The following ATXN1 variants were observed in gnomAD, a reference collection of about 807,000 sequenced individuals.
ATXN1 encodes ataxin-1.
Under a neutral mutation model 56.4 loss-of-function variants are expected in ATXN1, and 8 were observed. That is an observed-to-expected ratio of 0.14 (90% CI 0.08 to 0.26). The LOEUF is 0.26. ATXN1 is among the 10% of genes least tolerant of loss of function. The pLI, the probability that ATXN1 is intolerant of heterozygous loss-of-function variation, is 1.00. For synonymous variants in ATXN1, 514 were observed against 494.6 expected (o/e 1.04, Z -0.52); for missense variants, 987 against 1,106.5 (o/e 0.89, Z 1.53).
chr6:16,539,166 T>C (rs1351346822), intron 4 of ATXN1, among the ~76,000 whole-genome samples: 1 of 152,230 alleles, frequency 6.6e-6, no homozygotes, highest in African/African-American at 2.4e-5. Flanking sequence ...AGGGCTAATG[T>C]GTTGATCCAG....
chr6:16,345,261 T>G (rs1402909533), intron 6 of ATXN1, among the ~76,000 whole-genome samples: 7 of 152,232 alleles, frequency 4.6e-5, no homozygotes, highest in African/African-American at 1.2e-4. Context: ...CTCCTGTTAC[T>G]TCTCGGGTCA....
chr6:16,456,068 T>C lies in ATXN1; in HGVS notation c.-161+29904A>G, dbSNP rs1235111672. On this transcript the variant is annotated intron_variant, in intron 6 of 7. Transcript: ENST00000436367. The stretch of plus-strand genomic sequence containing the variant: ...ACCCCAGCCAGCAGTGGCAACCCAT[T>C]TGGGTCCCCTTCCACGCTGGGGAAG... 5.9e-5 allele frequency among the ~76,000 whole-genome samples: 9 copies of C among 152,124 alleles called. No individual in the cohort carries two copies. In the East Asian group the frequency reaches 7.7e-4, roughly 13 times the overall value.
At chr6:16,598,727 A>G (rs921903620) in intron 3 of ATXN1, among the ~76,000 whole-genome samples, 1 of 152,172 alleles carries the variant, frequency 6.6e-6, no homozygotes, top group South Asian at 2.1e-4. Flanking sequence ...TGGGGGTGGC[A>G]GGAGAAAAGG....
chr6:16,666,163 T>C (rs1758420044), intron 2 of ATXN1, among the ~76,000 whole-genome samples: 2 of 152,200 alleles, frequency 1.3e-5, no homozygotes, highest in African/African-American at 2.4e-5. Flanking sequence ...CATCCTCTGC[T>C]AACCATCATT....
rs1760032109 is a variant in ATXN1, at chr6:16,299,607, C to G, written c.*6722G>C. ...CAACCCAAGTTCTGGTGTCTGTTTT[C>G]CCTTGGCCTGTGGGAGGCATATGGT... On this transcript the variant is annotated 3_prime_UTR_variant, in exon 8 of 8. Transcript: ENST00000436367. 1 of 152,218 alleles carries G rather than the reference C, an allele frequency of 6.6e-6. No individual in the cohort carries two copies. Among genetic ancestry groups the G allele is most frequent in the South Asian group, 2.1e-4 (1 of 4,808 alleles). 9.4% of individuals were successfully genotyped at this position (152,218 alleles called of 1,614,324 possible).
chr6:16,682,384 A>G (rs1758833062), intron 2 of ATXN1, among the ~76,000 whole-genome samples: 1 of 151,840 alleles, frequency 6.6e-6, no homozygotes. Flanking sequence ...TTTAGTAAAG[A>G]TGCAGTTTCA....
At chr6:16,542,727 C>T (rs932621533) in intron 4 of ATXN1, among the ~76,000 whole-genome samples, 13 of 152,154 alleles carry the variant, frequency 8.5e-5, no homozygotes, top group East Asian at 3.8e-4. Context: ...CCCCAGTGGA[C>T]GCCTAAAACC....
chr6:16,698,670 A>T (rs1759217691), intron 2 of ATXN1, among the ~76,000 whole-genome samples: 1 of 137,442 alleles, frequency 7.3e-6, no homozygotes. Context: ...AAAAAAAAAA[A>T]GATCTTCACT....
At position 16,406,227 on chromosome 6, in the gene ATXN1, T is replaced by G. The variant is rs192167388; in HGVS notation, c.-160-77757A>C. Among the ~76,000 whole-genome samples the G allele has an allele frequency of 2.5e-3, 386 of 152,296 alleles. 1 individual carries two copies. Among genetic ancestry groups the G allele is most frequent in the African/African-American group, 8.9e-3 (370 of 41,554 alleles). On this transcript the variant is annotated intron_variant, in intron 6 of 7. Transcript: ENST00000436367. The stretch of plus-strand genomic sequence containing the variant: ...TGGAACATGTGAAGGAATGATGAGG[T>G]CAACAGCATTCTCAGATTCCTTTCT...
At chr6:16,551,648 T>C (rs1761922373) in intron 4 of ATXN1, among the ~76,000 whole-genome samples, 1 of 152,194 alleles carries the variant, frequency 6.6e-6, no homozygotes, top group Non-Finnish European at 1.5e-5. Flanking sequence ...ATTAGATGTG[T>C]ACTATGTCTA....
intron 4 of ATXN1, among the ~76,000 whole-genome samples, chr6:16,536,039 CA>C (rs942635014): frequency 1.3e-5 from 2 of 149,730 alleles, no homozygotes; most frequent in South Asian, 2.1e-4. Context: ...CTGACTCTAC[CA>C]AAAAAAAACC....
Position 16,713,235 on chromosome 6 carries a change from A to T in ATXN1, c.-615+39998T>A, listed in dbSNP as rs533646183. The stretch of plus-strand genomic sequence containing the variant: ...CTGAATCTAGAGGGACCGCTCCATG[A>T]ATAAGTTTCAATACAATTGCGGTAA... On this transcript the variant is annotated intron_variant, in intron 2 of 7. Transcript: ENST00000436367. 2.0e-4 allele frequency among the ~76,000 whole-genome samples: 30 copies of T among 152,350 alleles called. No homozygotes were observed. In the East Asian group the frequency reaches 5.8e-3, roughly 29 times the overall value.
At chr6:16,596,603 C>T (rs1762820308) in intron 3 of ATXN1, among the ~76,000 whole-genome samples, 1 of 152,160 alleles carries the variant, frequency 6.6e-6, no homozygotes, top group South Asian at 2.1e-4. Context: ...TTAGATTATC[C>T]TTTCAGGAGA....
At position 16,306,490 on chromosome 6, in the gene ATXN1, G is replaced by C. The variant is rs1206832584; in HGVS notation, c.2287C>G (p.Pro763Ala). 3.7e-6 allele frequency: 6 copies of C among 1,614,046 alleles called. No homozygotes were observed. The highest frequency in any genetic ancestry group is 5.1e-6 in the Non-Finnish European group (6 of 1,180,034). ...PAAPFLTKIE[P>A]SKPAATRKRR... ...TTCCTCGTTGCCGCGGGCTTGCTGG[G>C]TTCTATTTTGGTGAGGAAGGGCGCT... is the stretch of plus-strand genomic sequence containing the variant. Residue 763 changes from proline to alanine, a missense_variant, in exon 8 of 8, where the codon CCC becomes GCC. This residue lies in a region of ATXN1 where 196 missense variants were observed against 196.7 expected (regional missense o/e 1.00). Transcript: ENST00000436367. The surrounding 1 kb of genome is among the most constrained non-coding windows in gnomAD (Gnocchi z 5.2).
chr6:16,465,472 A>G (rs943677733), intron 6 of ATXN1, among the ~76,000 whole-genome samples: 1 of 152,110 alleles, frequency 6.6e-6, no homozygotes, highest in African/African-American at 2.4e-5. Flanking sequence ...AACAAAACAA[A>G]ACAAAACAAA....
At chr6:16,554,368 T>C (rs1408796883) in intron 4 of ATXN1, among the ~76,000 whole-genome samples, 1 of 152,238 alleles carries the variant, frequency 6.6e-6, no homozygotes, top group African/African-American at 2.4e-5. Context: ...CCAGAGCTCA[T>C]TTCCTCCCCA....
chr6:16,519,972 G>A (rs1761255772), intron 5 of ATXN1, among the ~76,000 whole-genome samples: 1 of 152,216 alleles, frequency 6.6e-6, no homozygotes, highest in African/African-American at 2.4e-5. Context: ...GAGGGTATCA[G>A]GGCTGCCCTC....
intron 6 of ATXN1, among the ~76,000 whole-genome samples, chr6:16,384,861 A>AT (rs1476531793): frequency 4.6e-5 from 7 of 152,308 alleles, no homozygotes; most frequent in Non-Finnish European, 1.0e-4. Flanking sequence ...TTCTTTACAC[A>AT]TTATCCAGTC....
In ATXN1 at chr6:16,488,913, T is replaced by A. The variant is rs549224616; in HGVS notation, c.-298-2804A>T. Among the ~76,000 whole-genome samples, 12 of 152,238 alleles carry A rather than the reference T, an allele frequency of 7.9e-5. No individual in the cohort carries two copies. In the South Asian group the frequency reaches 2.3e-3, roughly 29 times the overall value. ...GAGAGAGAGAACAAGAAAAAGCACT[T>A]CCTGAAGCCAAGGTGTCCAATATCT... On this transcript the variant is annotated intron_variant, in intron 5 of 7. Coordinates refer to ENST00000436367, the MANE Select transcript of ATXN1 (RefSeq NM_001128164.2).
Sources: allele counts gnomAD v4.1 joint callset (sites outside exome capture counted in the v4.1 genomes callset), GRCh38; gene constraint gnomAD v4.1.1; regional missense constraint gnomAD v4.1.1; non-coding constraint Gnocchi (gnomAD v3.1); transcripts MANE v1.5; gene names NCBI Gene and HGNC (gene_info 2026-07-23, HGNC 2026-07-21).